Variants in EPHB1 observed in about 807,000 individuals in gnomAD.
EPHB1 encodes EPH receptor B1.
EPHB1 carries 30 observed loss-of-function variants against 94.4 expected under a neutral mutation model. That is an observed-to-expected ratio of 0.32 (90% CI 0.24 to 0.43). The LOEUF (loss-of-function observed/expected upper bound fraction) is 0.43. Ranked by LOEUF, EPHB1 falls within the 20% of genes least tolerant of loss-of-function variation. EPHB1 has a pLI of 1.00. For synonymous variants in EPHB1, 522 were observed against 489.1 expected, an observed-to-expected ratio of 1.07 and a Z score of -0.89; for missense variants, 1,055 against 1,308.3, an observed-to-expected ratio of 0.81 and a Z score of 2.99.
intron 5 of EPHB1, among the ~76,000 whole-genome samples, chr3:135,146,377 G>C (rs1306056862): frequency 6.6e-6 from 1 of 152,196 alleles, no homozygotes; most frequent in Non-Finnish European, 1.5e-5. Context: ...GTTAGAGGTG[G>C]ACAAGAGAGT....
intron 4 of EPHB1, among the ~76,000 whole-genome samples, chr3:135,115,571 A>AT (rs113573111): frequency 8.7e-5 from 13 of 149,622 alleles, no homozygotes; most frequent in South Asian, 4.3e-4. Flanking sequence ...TGCTGATTTG[A>AT]TTTTTTTTTT....
chr3:135,142,837 G>T (rs7373413), intron 5 of EPHB1, among the ~76,000 whole-genome samples: 1 of 151,780 alleles, frequency 6.6e-6, no homozygotes, highest in Admixed American at 6.6e-5. Context: ...TCATGCCTCC[G>T]ATGAATGGGG....
At chr3:134,806,831 G>A (rs7610720) in intron 1 of EPHB1, among the ~76,000 whole-genome samples, 29,906 of 151,926 alleles carry the variant, frequency 0.2, 4,941 homozygotes, top group African/African-American at 0.46. Context: ...AGACAGGCAT[G>A]AAAAAGACAA....
chr3:134,800,623 G>A (rs2035918442), intron 1 of EPHB1, among the ~76,000 whole-genome samples: 1 of 152,194 alleles, frequency 6.6e-6, no homozygotes, highest in Non-Finnish European at 1.5e-5. Context: ...TGGAAACACT[G>A]CCAAGGGGAA....
At chr3:134,945,501 A>G (rs760551284) in intron 2 of EPHB1, among the ~76,000 whole-genome samples, 2 of 152,124 alleles carry the variant, frequency 1.3e-5, no homozygotes, top group Non-Finnish European at 2.9e-5. Flanking sequence ...TACCTTCTTC[A>G]TATTGATTTC....
At chr3:135,242,193 C>T (rs753703392) in intron 13 of EPHB1, among the ~76,000 whole-genome samples, 23 of 152,204 alleles carry the variant, frequency 1.5e-4, no homozygotes, top group Non-Finnish European at 3.4e-4. Flanking sequence ...CATACCCTCC[C>T]GTTGGAGCTG....
chr3:134,915,691 G>A (rs1489396623), intron 1 of EPHB1, among the ~76,000 whole-genome samples: 1 of 152,162 alleles, frequency 6.6e-6, no homozygotes, highest in African/African-American at 2.4e-5. Flanking sequence ...TGAAGCTGCA[G>A]ACCTTCGCAG....
At chr3:134,816,611 T>C (rs907193483) in intron 1 of EPHB1, among the ~76,000 whole-genome samples, 2 of 152,194 alleles carry the variant, frequency 1.3e-5, no homozygotes, top group African/African-American at 4.8e-5. Context: ...ATTTCTTCTG[T>C]ATCTCTCTTT....
In EPHB1 at chr3:135,124,162, C is replaced by A. The variant is rs950577288; in HGVS notation, c.962-8552C>A. 3.7e-4 allele frequency among the ~76,000 whole-genome samples: 56 copies of A among 151,896 alleles called. 1 individual carries two copies. Among genetic ancestry groups the A allele is most frequent in the African/African-American group, 1.3e-3 (54 of 41,166 alleles). On this transcript the variant is annotated intron_variant, in intron 4 of 15. Coordinates refer to ENST00000398015, the MANE Select transcript of EPHB1 (RefSeq NM_004441.5). ...AAAGAAGGAACCAAGTACATTCCCA[C>A]CTCAGGGCCTTTGCACATGCCGGTC...
chr3:135,253,831 C>T (rs1463573020), intron 15 of EPHB1, among the ~76,000 whole-genome samples: 4 of 152,136 alleles, frequency 2.6e-5, no homozygotes, highest in Admixed American at 6.5e-5. Flanking sequence ...AATATTGATT[C>T]TTCCTACCCA....
chr3:134,887,364 C>T (rs2037881951), intron 1 of EPHB1, among the ~76,000 whole-genome samples: 1 of 152,228 alleles, frequency 6.6e-6, no homozygotes, highest in Non-Finnish European at 1.5e-5. Flanking sequence ...ATCACTTTCA[C>T]ATATGCTATT....
At chr3:134,954,624 T>A (rs987721288) in intron 3 of EPHB1, among the ~76,000 whole-genome samples, 3 of 152,236 alleles carry the variant, frequency 2.0e-5, no homozygotes, top group Non-Finnish European at 4.4e-5. Flanking sequence ...GATGGCTCTA[T>A]GATTCATAAA....
In EPHB1 at chr3:135,164,039, T is replaced by TA. The variant is rs564939537; in HGVS notation, c.1585+1859_1585+1860insA. On this transcript the variant is annotated intron_variant, in intron 7 of 15. Coordinates refer to ENST00000398015, the MANE Select transcript of EPHB1 (RefSeq NM_004441.5). Reference sequence around the variant, plus strand: ...CCTGGGCTGCTCTTAGCTACACTGTTCTGATTTTTGACGTAGCTGCCTAAT... The same window carrying TA: ...CCTGGGCTGCTCTTAGCTACACTGTTACTGATTTTTGACGTAGCTGCCTAAT... Among the ~76,000 whole-genome samples the TA allele has an allele frequency of 5.1e-3, 772 of 152,330 alleles. 10 individuals are homozygous for TA. The highest frequency in any genetic ancestry group is 0.018 in the African/African-American group (737 of 41,582).
At chr3:134,972,607 A>G (rs942203866) in intron 3 of EPHB1, among the ~76,000 whole-genome samples, 4 of 148,522 alleles carry the variant, frequency 2.7e-5, no homozygotes, top group Admixed American at 2.0e-4. Flanking sequence ...TAATGTCAAA[A>G]CAGGGTTACA....
At chr3:135,017,171 G>A (rs1935826013) in intron 3 of EPHB1, among the ~76,000 whole-genome samples, 1 of 152,224 alleles carries the variant, frequency 6.6e-6, no homozygotes, top group African/African-American at 2.4e-5. Flanking sequence ...TGCAGGGTCT[G>A]TGTCACCAAG....
chr3:135,191,745 C>T (rs1281236637), intron 10 of EPHB1, among the ~76,000 whole-genome samples: 2 of 151,948 alleles, frequency 1.3e-5, no homozygotes, highest in African/African-American at 4.8e-5. Context: ...TGGAGGTGTG[C>T]AGCTCATGCC....
chr3:134,853,258 G>A (rs1578138429), intron 1 of EPHB1, among the ~76,000 whole-genome samples: 3 of 152,350 alleles, frequency 2.0e-5, no homozygotes, highest in African/African-American at 7.2e-5. Flanking sequence ...CTGCTGCCCC[G>A]GTGTGGCTCA....
At chr3:134,843,112 T>C (rs918330717) in intron 1 of EPHB1, among the ~76,000 whole-genome samples, 1 of 152,234 alleles carries the variant, frequency 6.6e-6, no homozygotes, top group Non-Finnish European at 1.5e-5. Flanking sequence ...GCTTTGGTTG[T>C]CTAGGAATGT....
chr3:135,070,231 A>T (rs1937659608), intron 3 of EPHB1, among the ~76,000 whole-genome samples: 1 of 152,174 alleles, frequency 6.6e-6, no homozygotes, highest in Non-Finnish European at 1.5e-5. Context: ...GTTGCTGCCT[A>T]AAAAAGTCCA....
Sources: allele counts gnomAD v4.1 joint callset (sites outside exome capture counted in the v4.1 genomes callset), GRCh38; gene constraint gnomAD v4.1.1; transcripts MANE v1.5; gene names NCBI Gene and HGNC (gene_info 2026-07-23, HGNC 2026-07-21).